EFHB: variants seen among roughly 807,000 people sequenced by gnomAD.
EFHB encodes EF-hand domain family member B.
In EFHB, 91 loss-of-function variants were observed where a neutral mutation model predicts 87.2. That is an observed-to-expected ratio of 1.04 (90% CI 0.88 to 1.24). The LOEUF is 1.24. EFHB is among the 50% of genes most tolerant of loss of function. The pLI is 0.00. For missense variants in EFHB, 1,084 were observed against 998.8 expected, an observed-to-expected ratio of 1.09 and a Z score of -1.15; for synonymous variants, 325 against 333.6, an observed-to-expected ratio of 0.97 and a Z score of 0.28.
Position 19,879,784 on chromosome 3 carries a change from G to T in EFHB, c.2349C>A (p.Asn783Lys). ...CTTCATCAGACAGTTTGACACCAAT[G>T]TTACACAATATCTCTGCAATCTAGA... ...SKEEIAEILC[N>K]IGVKLSDEEF... is the part of the protein sequence containing the mutation. The change falls in exon 13 of 13, where the codon AAC becomes AAA. Residue 783 changes from asparagine to lysine, a missense_variant. Physicochemically the swap from Asn to Lys is moderately conservative, Grantham distance 94 (BLOSUM62 0). Coordinates refer to ENST00000295824, the MANE Select transcript of EFHB (RefSeq NM_144715.4). The T allele has an allele frequency of 6.2e-7, 1 of 1,600,582 alleles. No individual in the cohort carries two copies. Among genetic ancestry groups the T allele is most frequent in the African/African-American group, 1.3e-5 (1 of 74,512 alleles).
intron 1 of EFHB, among the ~76,000 whole-genome samples, chr3:19,940,010 A>G (rs1172006923): frequency 6.6e-6 from 1 of 152,042 alleles, no homozygotes; most frequent in Non-Finnish European, 1.5e-5. Context: ...TCTCTCAAAC[A>G]CCACCTTCCT....
chr3:19,893,210 G>A (rs1022127433), intron 9 of EFHB, among the ~76,000 whole-genome samples: 3 of 152,054 alleles, frequency 2.0e-5, no homozygotes, highest in East Asian at 1.9e-4. Flanking sequence ...CAAAGTGTTC[G>A]GATTACAGGC....
At chr3:19,919,235 T>G (rs1250643707) in intron 3 of EFHB, among the ~76,000 whole-genome samples, 4 of 152,054 alleles carry the variant, frequency 2.6e-5, no homozygotes, top group Non-Finnish European at 5.9e-5. Context: ...TTCGGTCTGT[T>G]GCCCAGGCTG....
intron 1 of EFHB, among the ~76,000 whole-genome samples, chr3:19,945,210 G>A (rs773802393): frequency 1.1e-4 from 16 of 152,156 alleles, no homozygotes; most frequent in Admixed American, 2.0e-4. Flanking sequence ...GACCAGATAC[G>A]TGTGATCAGG....
Position 19,882,867 on chromosome 3 carries a change from CA to C in EFHB, c.2147-137del, listed in dbSNP as rs1446949815. 8 of 663,006 alleles carry C rather than the reference CA, an allele frequency of 1.2e-5. No individual in the cohort carries two copies. The East Asian group carries it at 1.9e-4, about 15-fold the overall frequency. The allele number at this position is 663,006 out of a possible 1,614,324, so 41.1% of individuals were successfully genotyped here. ...TTTGGTGTATTCCAAATGTAAAATT[CA>C]AACATTTTAGTAAAAAAAGGAAAAT... On this transcript the variant is annotated intron_variant, in intron 11 of 12. Coordinates refer to ENST00000295824, the MANE Select transcript of EFHB (RefSeq NM_144715.4).
In EFHB at chr3:19,882,582, T is replaced by C; in HGVS notation, c.2296A>G (p.Arg766Gly). The C allele has an allele frequency of 6.2e-7, 1 of 1,610,526 alleles. No individual in the cohort carries two copies. Among genetic ancestry groups the C allele is most frequent in the East Asian group, 2.2e-5 (1 of 44,856 alleles). Reference sequence around the variant, plus strand: ...TTTGATCTGGTCTTGAAGAAGTCTCTTTCAAACACTCCTTTCCGGGCAAAA... The same window carrying C: ...TTTGATCTGGTCTTGAAGAAGTCTCCTTCAAACACTCCTTTCCGGGCAAAA... ...TIFARKGVFE[R>G]DFFKTRSKEE... is the part of the protein sequence containing the mutation. The change falls in exon 12 of 13, where the codon AGA becomes GGA. Residue 766 changes from arginine to glycine, a missense_variant. Transcript: ENST00000295824.
chr3:19,933,820 T>A lies in EFHB; in HGVS notation c.199A>T (p.Ser67Cys), dbSNP rs1206254062. ...TCTAATCCCATTTCAAGCCCCTTGC[T>A]CAATGGAAATTTTGTTTCTGGTGGT... is the stretch of plus-strand genomic sequence containing the variant. ...MAPPETKFPL[S>C]KGLEMGLERQ... Residue 67 changes from serine to cysteine, a missense_variant, in exon 1 of 13, where the codon AGC (serine) becomes TGC (cysteine). By Grantham distance (112) the Ser-to-Cys change is moderately radical. Transcript: ENST00000295824. The A allele has an allele frequency of 6.2e-7, 1 of 1,613,972 alleles. No homozygotes were observed. Among genetic ancestry groups the A allele is most frequent in the East Asian group, 2.2e-5 (1 of 44,882 alleles).
At chr3:19,890,675 A>G (rs887841558) in intron 9 of EFHB, among the ~76,000 whole-genome samples, 1 of 135,590 alleles carries the variant, frequency 7.4e-6, no homozygotes, top group Non-Finnish European at 1.6e-5. Context: ...CATAACCCTA[A>G]TGACTCCTTT....
At chr3:19,914,748 G>C (rs1033341481) in intron 5 of EFHB, among the ~76,000 whole-genome samples, 9 of 152,106 alleles carry the variant, frequency 5.9e-5, no homozygotes, top group African/African-American at 2.2e-4. Flanking sequence ...TCAAAAATTT[G>C]TGAACTTGAC....
At chr3:19,905,254 T>G (rs955753035) in intron 6 of EFHB, among the ~76,000 whole-genome samples, 3 of 152,146 alleles carry the variant, frequency 2.0e-5, no homozygotes, top group Non-Finnish European at 2.9e-5. Flanking sequence ...GCTGTCTCAA[T>G]AAATAAATAA....
intron 9 of EFHB, among the ~76,000 whole-genome samples, chr3:19,889,936 G>A (rs9848474): frequency 0.029 from 4,364 of 152,252 alleles, 214 homozygotes; most frequent in African/African-American, 0.099. Context: ...GCAGTGAGCC[G>A]AGACTGCGCC....
intron 12 of EFHB, among the ~76,000 whole-genome samples, chr3:19,881,005 C>A (rs1369652386): frequency 6.6e-6 from 1 of 151,686 alleles, no homozygotes; most frequent in Non-Finnish European, 1.5e-5. Context: ...AGAATCTCAA[C>A]AATTAAAAAA....
At chr3:19,913,766 A>G (rs1695136823) in intron 5 of EFHB, among the ~76,000 whole-genome samples, 1 of 152,208 alleles carries the variant, frequency 6.6e-6, no homozygotes, top group Admixed American at 6.5e-5. Flanking sequence ...GAGTAATCAC[A>G]TTACTTGACT....
In EFHB at chr3:19,882,550, C is replaced by T; in HGVS notation, c.2328G>A (p.Glu776=). 6.3e-7 allele frequency: 1 copy of T among 1,589,310 alleles called. No individual in the cohort carries two copies. The highest frequency in any genetic ancestry group is 1.2e-5 in the South Asian group (1 of 86,414). Residue 776 remains glutamate, a splice_region_variant and synonymous_variant, in exon 12 of 13, where the codon GAG becomes GAA. Coordinates refer to ENST00000295824, the MANE Select transcript of EFHB (RefSeq NM_144715.4). ...RDFFKTRSKE[E]IAEILCNIGV... is the part of the protein sequence containing the mutation. The stretch of plus-strand genomic sequence containing the variant: ...ATTTTTGTATGCTTATATGCTATAC[C>T]TCTTCTTTTGATCTGGTCTTGAAGA...
At chr3:19,934,413 TCTCC>T (rs1559477180), upstream of EFHB, among the ~76,000 whole-genome samples, 30 of 125,420 alleles carry the variant, frequency 2.4e-4, 2 homozygotes, top group Admixed American at 1.1e-3. Context: ...CTCTCCTCTC[TCTCC>T]CTCTCCTCTC....
At chr3:19,929,010 C>T (rs1441861248) in intron 1 of EFHB, among the ~76,000 whole-genome samples, 1 of 151,750 alleles carries the variant, frequency 6.6e-6, no homozygotes, top group African/African-American at 2.4e-5. Context: ...GAGCAATTTT[C>T]AATCTAATTA....
chr3:19,901,761 C>G (rs559414097), intron 6 of EFHB, among the ~76,000 whole-genome samples: 1 of 152,066 alleles, frequency 6.6e-6, no homozygotes, highest in East Asian at 1.9e-4. Context: ...ATCAGCCTGG[C>G]CCACATGGCA....
intron 9 of EFHB, among the ~76,000 whole-genome samples, chr3:19,891,790 C>G (rs1366507529): frequency 1.3e-5 from 2 of 152,134 alleles, no homozygotes; most frequent in Non-Finnish European, 2.9e-5. Context: ...CCTGAACCAT[C>G]CAGATTGCCA....
chr3:19,920,533 G>C lies in EFHB; in HGVS notation c.824C>G (p.Ala275Gly). The C allele has an allele frequency of 1.2e-6, 2 of 1,604,258 alleles. No homozygotes were observed. Among genetic ancestry groups the C allele is most frequent in the South Asian group, 1.1e-5 (1 of 88,928 alleles). The change falls in exon 2 of 13, where the codon GCA becomes GGA. Residue 275 changes from alanine to glycine, a missense_variant. Transcript: ENST00000295824. ...GKVIPVGYRVATCLTEKLPRL... is the reference protein window; with the variant it reads ...GKVIPVGYRVGTCLTEKLPRL... The stretch of plus-strand genomic sequence containing the variant: ...GGGAAGTTTTTCAGTCAAGCAGGTT[G>C]CAACTCTGTAACCAACTGGAATAAC...
Sources: gnomAD v4.1 joint callset for allele counts (sites outside exome capture counted in the v4.1 genomes callset) on GRCh38, gnomAD v4.1.1 for gene constraint, MANE v1.5 for transcripts, NCBI Gene and HGNC (gene_info 2026-07-23, HGNC 2026-07-21) for gene names.